The following PDE1C variants were observed in gnomAD, a reference collection of about 807,000 sequenced individuals.
The protein encoded by PDE1C is phosphodiesterase 1C.
In PDE1C, 62 loss-of-function variants were observed where a neutral mutation model predicts 93.1. The ratio of observed to expected loss-of-function variants is 0.67; its 90% CI spans 0.54 to 0.82. The LOEUF (loss-of-function observed/expected upper bound fraction) is 0.82. PDE1C is among the 40% of genes least tolerant of loss of function. PDE1C has a pLI of 0.00. For missense variants in PDE1C, 742 were observed against 884.6 expected (o/e 0.84, Z 2.04); for synonymous variants, 325 against 310.1 (o/e 1.05, Z -0.50).
chr7:31,668,037 C>G, the PDE1C span, among the ~76,000 whole-genome samples: 1 of 152,024 alleles, frequency 6.6e-6, no homozygotes, highest in African/African-American at 2.4e-5. Context: ...AAAAGAGGGA[C>G]TAGGGAAAAA....
At chr7:31,841,821 G>T (rs1354211153) in intron 9 of PDE1C, among the ~76,000 whole-genome samples, 1 of 152,114 alleles carries the variant, frequency 6.6e-6, no homozygotes, top group East Asian at 1.9e-4. Context: ...GATCTGCAGG[G>T]TAAATCAGCA....
chr7:32,359,378 ATGTATG>A (rs1319524084), intron 1 of PDE1C, among the ~76,000 whole-genome samples: 49 of 148,126 alleles, frequency 3.3e-4, no homozygotes, highest in Non-Finnish European at 3.0e-4. Context: ...CCTTAACGGT[ATGTATG>A]TGTATATTAT....
rs748595812 is a variant in PDE1C, at chr7:31,815,874, A to C, written c.1813+50T>G. The C allele has an allele frequency of 2.0e-5, 27 of 1,341,532 alleles. No homozygotes were observed. The Admixed American group carries it at 3.0e-4, about 15-fold the overall frequency. The allele number at this position is 1,341,532 out of a possible 1,614,324, so 83.1% of individuals were successfully genotyped here. ...GGTTGTTCACCAGTTTCCATTCATTATGTCATTAATGCCGCGAAAAGAGCC... is the reference window on the plus strand; with the variant it reads ...GGTTGTTCACCAGTTTCCATTCATTCTGTCATTAATGCCGCGAAAAGAGCC... On this transcript the variant is annotated intron_variant, in intron 15 of 17. Transcript: ENST00000396191.
upstream of PDE1C, among the ~76,000 whole-genome samples, chr7:32,303,706 C>G (rs1194692423): frequency 6.6e-6 from 1 of 152,078 alleles, no homozygotes; most frequent in East Asian, 1.9e-4. Context: ...ACCCAGAAGG[C>G]CCTGATGGAG....
intron 16 of PDE1C, among the ~76,000 whole-genome samples, chr7:31,792,811 T>G (rs1274453898): frequency 1.3e-5 from 2 of 152,134 alleles, no homozygotes; most frequent in Non-Finnish European, 2.9e-5. Context: ...CCACTCTGTG[T>G]GTAACTGAGA....
the PDE1C span, among the ~76,000 whole-genome samples, chr7:31,635,117 A>G: frequency 6.6e-6 from 1 of 152,168 alleles, no homozygotes; most frequent in African/African-American, 2.4e-5. Context: ...TAAATGATGT[A>G]CATTTGTATT....
the PDE1C span, chr7:31,642,859 GC>G: frequency 6.2e-7 from 1 of 1,614,038 alleles, no homozygotes; most frequent in Non-Finnish European, 8.5e-7. Flanking sequence ...GGAACAAAGG[GC>G]CTCAGTATCT....
the PDE1C span, among the ~76,000 whole-genome samples, chr7:31,685,373 G>C: frequency 2.6e-5 from 4 of 152,192 alleles, no homozygotes; most frequent in Non-Finnish European, 4.4e-5. Flanking sequence ...TTTTGATATT[G>C]TAGGATAGTT....
chr7:31,632,859 T>G, the PDE1C span, among the ~76,000 whole-genome samples: 8 of 151,986 alleles, frequency 5.3e-5, no homozygotes, highest in African/African-American at 1.2e-4. Context: ...TCTGGGGAGA[T>G]TTTTATTTTT....
chr7:31,664,291 G>A, the PDE1C span, among the ~76,000 whole-genome samples: 75 of 150,482 alleles, frequency 5.0e-4, no homozygotes, highest in East Asian at 9.6e-4. Context: ...ATGTACTTAC[G>A]CACAGAGCCA....
the PDE1C span, among the ~76,000 whole-genome samples, chr7:31,722,408 AACAG>A: frequency 6.6e-6 from 1 of 152,230 alleles, no homozygotes; most frequent in African/African-American, 2.4e-5. Context: ...CTAGACACAA[AACAG>A]ACAAAGTGGT....
intron 1 of PDE1C, among the ~76,000 whole-genome samples, chr7:32,252,910 T>A (rs1202887350): frequency 1.3e-5 from 2 of 152,244 alleles, no homozygotes; most frequent in Non-Finnish European, 2.9e-5. Context: ...TCTATTTGTG[T>A]CCCTTCTCAT....
At chr7:31,940,268 G>T (rs1805640436) in intron 2 of PDE1C, among the ~76,000 whole-genome samples, 3 of 152,162 alleles carry the variant, frequency 2.0e-5, no homozygotes, top group Non-Finnish European at 4.4e-5. Flanking sequence ...TATTGGAGGG[G>T]TGGAGTTGCC....
At position 31,959,421 on chromosome 7, in the gene PDE1C, C is replaced by G. The variant is rs76144489; in HGVS notation, c.129-78561G>C. ...TAGAGAAAAGGCTTCACTATGATGG[C>G]CAGGCTGGTCTTAAACTCCTGGCCT... is the stretch of plus-strand genomic sequence containing the variant. On this transcript the variant is annotated intron_variant, in intron 2 of 17. Coordinates refer to ENST00000396191, the MANE Select transcript of PDE1C (RefSeq NM_001191057.4). Among the ~76,000 whole-genome samples, 306 of 152,254 alleles carry G rather than the reference C, an allele frequency of 2.0e-3. 1 individual carries two copies. The highest frequency in any genetic ancestry group is 3.4e-3 in the Middle Eastern group (1 of 294).
intron 1 of PDE1C, among the ~76,000 whole-genome samples, chr7:32,424,701 A>G (rs911938559): frequency 1.3e-5 from 2 of 152,130 alleles, no homozygotes; most frequent in East Asian, 3.8e-4. Flanking sequence ...AGTTCCAGCT[A>G]CTCAGGAGGC....
chr7:32,101,263 G>A (rs1563313325), intron 3 of PDE1C, among the ~76,000 whole-genome samples: 1 of 152,156 alleles, frequency 6.6e-6, no homozygotes, highest in Non-Finnish European at 1.5e-5. Context: ...TTTGATTTGG[G>A]TAATACCGGA....
At chr7:32,360,482 GC>G (rs1428034215) in intron 1 of PDE1C, among the ~76,000 whole-genome samples, 3 of 61,552 alleles carry the variant, frequency 4.9e-5, no homozygotes, top group East Asian at 7.7e-4. Flanking sequence ...TCAAAGGGAA[GC>G]GGTGGAGAGT....
chr7:32,296,974 G>A (rs952245368), intron 1 of PDE1C, among the ~76,000 whole-genome samples: 4 of 152,152 alleles, frequency 2.6e-5, no homozygotes, highest in Non-Finnish European at 5.9e-5. Flanking sequence ...GAGCTCCAAC[G>A]GAGAACTCAG....
chr7:31,739,081 C>T, the PDE1C span, among the ~76,000 whole-genome samples: 1 of 150,470 alleles, frequency 6.6e-6, no homozygotes, highest in Non-Finnish European at 1.5e-5. Flanking sequence ...TTTCCATCCT[C>T]AAATCCTTGA....
Sources: gnomAD v4.1 joint callset for allele counts (sites outside exome capture counted in the v4.1 genomes callset) on GRCh38, gnomAD v4.1.1 for gene constraint, MANE v1.5 for transcripts, NCBI Gene and HGNC (gene_info 2026-07-23, HGNC 2026-07-21) for gene names.